HDGFL3: variants seen among roughly 807,000 people sequenced by gnomAD.
HDGFL3 encodes hepatoma-derived growth factor-related protein 3.
In HDGFL3, 6 loss-of-function variants were observed where a neutral mutation model predicts 27.6. The ratio of observed to expected loss-of-function variants is 0.22; its 90% CI spans 0.12 to 0.43. The LOEUF (loss-of-function observed/expected upper bound fraction) is 0.43. Ranked by LOEUF, HDGFL3 falls within the 20% of genes least tolerant of loss-of-function variation. HDGFL3 has a pLI of 1.00. For synonymous variants in HDGFL3, 88 were observed against 88.9 expected (o/e 0.99, Z 0.05); for missense variants, 207 against 250.1 (o/e 0.83, Z 1.16).
chr15:83,144,404 A>C, intron 5 of HDGFL3: 1 of 456,084 alleles, frequency 2.2e-6, no homozygotes. Context: ...ACTTGCTTGT[A>C]ATAAACAGAA....
At position 83,172,146 on chromosome 15, in the gene HDGFL3, G is replaced by A. The variant is rs148852737; in HGVS notation, c.85-8071C>T. 1.9e-3 allele frequency among the ~76,000 whole-genome samples: 294 copies of A among 152,250 alleles called. 1 individual carries two copies. The highest frequency in any genetic ancestry group is 6.8e-3 in the Middle Eastern group (2 of 294). On this transcript the variant is annotated intron_variant, in intron 1 of 5. Transcript: ENST00000299633. ...TATTAAGAGGTGGGACTTTTCAGAG[G>A]TGATTAGGCCTTGAGGGCTTCTCTG... is the stretch of plus-strand genomic sequence containing the variant.
intron 1 of HDGFL3, among the ~76,000 whole-genome samples, chr15:83,164,367 C>CAAA (rs869303457): frequency 6.8e-4 from 26 of 38,390 alleles, no homozygotes; most frequent in South Asian, 1.3e-3. Context: ...TTAGAGTAAC[C>CAAA]AAAAAAAAAA....
intron 5 of HDGFL3, among the ~76,000 whole-genome samples, chr15:83,147,868 C>G (rs1370775621): frequency 3.3e-5 from 5 of 152,106 alleles, no homozygotes; most frequent in African/African-American, 1.2e-4. Context: ...GAGAGGATAT[C>G]TGCAAGAAAT....
At chr15:83,176,206 C>T (rs2037307657) in intron 1 of HDGFL3, among the ~76,000 whole-genome samples, 1 of 152,188 alleles carries the variant, frequency 6.6e-6, no homozygotes, top group African/African-American at 2.4e-5. Context: ...TGTGACTGTA[C>T]TTGAGAAAGC....
intron 1 of HDGFL3, among the ~76,000 whole-genome samples, chr15:83,195,492 T>C (rs372118155): frequency 5.9e-5 from 9 of 152,242 alleles, no homozygotes; most frequent in African/African-American, 1.9e-4. Flanking sequence ...TATGTACATG[T>C]TTCTGTTCCT....
At chr15:83,146,814 C>T (rs2036901892) in intron 5 of HDGFL3, among the ~76,000 whole-genome samples, 1 of 152,180 alleles carries the variant, frequency 6.6e-6, no homozygotes, top group Non-Finnish European at 1.5e-5. Context: ...TTCATTCATT[C>T]TCTTATTCTT....
intron 1 of HDGFL3, among the ~76,000 whole-genome samples, chr15:83,166,117 C>T (rs2037168919): frequency 6.6e-6 from 1 of 151,990 alleles, no homozygotes; most frequent in Admixed American, 6.6e-5. Flanking sequence ...TGGTAAAATA[C>T]TATACAAAAT....
intron 1 of HDGFL3, among the ~76,000 whole-genome samples, chr15:83,206,083 A>G (rs1363693150): frequency 6.6e-6 from 1 of 152,216 alleles, no homozygotes; most frequent in Non-Finnish European, 1.5e-5. Flanking sequence ...AGGTCCCCCA[A>G]TTCCTGGCCT....
chr15:83,133,496 A>G lies in HDGFL3; in HGVS notation c.*5774T>C, dbSNP rs1567158951. ...TCCATTCTTAAAAAAAAATCAGAGT[A>G]TATCTCTTAATTATTTCTGTAAGGT... On this transcript the variant is annotated 3_prime_UTR_variant, in exon 6 of 6. Coordinates refer to ENST00000299633, the MANE Select transcript of HDGFL3 (RefSeq NM_016073.4). 6.6e-6 allele frequency: 1 copy of G among 152,244 alleles called. No individual in the cohort carries two copies. The allele number at this position is 152,244 out of a possible 1,614,324, so 9.4% of individuals were successfully genotyped here. A position where few individuals can be genotyped will look rare whatever the true frequency, so the allele number is the denominator to read the frequency against.
rs1182758993 is a variant in HDGFL3 at position 83,135,140 on chromosome 15, C to T, written c.*4130G>A. Reference sequence around the variant, plus strand: ...ATATCTCCAGAGTAGCAAAAATGTACCACAGGTCTCCAGAATATATCAGGA... The same window carrying T: ...ATATCTCCAGAGTAGCAAAAATGTATCACAGGTCTCCAGAATATATCAGGA... On this transcript the variant is annotated 3_prime_UTR_variant, in exon 6 of 6. Transcript: ENST00000299633. 1 of 151,636 alleles carries T rather than the reference C, an allele frequency of 6.6e-6. No individual in the cohort carries two copies. The highest frequency in any genetic ancestry group is 1.5e-5 in the Non-Finnish European group (1 of 67,838). The allele number at this position is 151,636 out of a possible 1,614,324, so 9.4% of individuals were successfully genotyped here. A position where few individuals can be genotyped will look rare whatever the true frequency, so the allele number is the denominator to read the frequency against.
chr15:83,151,100 G>T, intron 5 of HDGFL3, 115 bp downstream of exon 5: 1 of 975,344 alleles, frequency 1.0e-6, no homozygotes, highest in Non-Finnish European at 1.5e-6. Context: ...ATAATAGGCT[G>T]AGAATACTTC....
rs780207383 is a variant in HDGFL3, at chr15:83,122,657, T to A, written c.394-6916A>T. On this transcript the variant is annotated intron_variant, in intron 3 of 3. Coordinates refer to the HDGFL3 transcript ENST00000568294. ...CTCATTAAAAATATTGTCTGGCCCA[T>A]AGCAAAATTTTAGATGACCTGAGAT... 1.5e-5 allele frequency: 20 copies of A among 1,371,744 alleles called. No individual in the cohort carries two copies. The South Asian group carries it at 2.7e-4, about 18-fold the overall frequency. 85.0% of individuals were successfully genotyped at this position (1,371,744 alleles called of 1,614,324 possible).
intron 1 of HDGFL3, among the ~76,000 whole-genome samples, chr15:83,197,842 T>G (rs2037590280): frequency 6.6e-6 from 1 of 151,818 alleles, no homozygotes; most frequent in Non-Finnish European, 1.5e-5. Context: ...GAGACCAGCC[T>G]GCCCAACATG....
At chr15:83,206,158 T>C (rs2037712389) in intron 1 of HDGFL3, among the ~76,000 whole-genome samples, 1 of 152,256 alleles carries the variant, frequency 6.6e-6, no homozygotes, top group African/African-American at 2.4e-5. Flanking sequence ...GTCCATCCAT[T>C]ACTTCAACTT....
Position 83,138,113 on chromosome 15 carries a change from T to C in HDGFL3, c.*1157A>G, listed in dbSNP as rs1427976549. The C allele has an allele frequency of 6.6e-6, 1 of 152,608 alleles. No individual in the cohort carries two copies. Among genetic ancestry groups the C allele is most frequent in the Non-Finnish European group, 1.5e-5 (1 of 68,018 alleles). The allele number at this position is 152,608 out of a possible 1,614,324, so 9.5% of individuals were successfully genotyped here. On this transcript the variant is annotated 3_prime_UTR_variant, in exon 6 of 6. Coordinates refer to ENST00000299633, the MANE Select transcript of HDGFL3 (RefSeq NM_016073.4). ...ATATGAATTACATTAATACCTCACG[T>C]TACATATATGAAGCCAAATTACACT... is the stretch of plus-strand genomic sequence containing the variant.
rs548562599 is a variant in HDGFL3, at chr15:83,151,411, T to C, written c.460-50A>G. On this transcript the variant is annotated intron_variant, in intron 4 of 5. Coordinates refer to ENST00000299633, the MANE Select transcript of HDGFL3 (RefSeq NM_016073.4). ...TTATAGTCAAAAGCAGAAATCCAAATGTACAAGTAAGAGATGCAGAAATAG... is the reference window on the plus strand; with the variant it reads ...TTATAGTCAAAAGCAGAAATCCAAACGTACAAGTAAGAGATGCAGAAATAG... 5 of 1,508,608 alleles carry C rather than the reference T, an allele frequency of 3.3e-6. No homozygotes were observed. In the South Asian group the frequency reaches 4.9e-5, roughly 15 times the overall value. 93.5% of individuals were successfully genotyped at this position (1,508,608 alleles called of 1,614,324 possible). A position where few individuals can be genotyped will look rare whatever the true frequency, so the allele number is the denominator to read the frequency against.
chr15:83,156,676 G>A (rs2037033862), intron 4 of HDGFL3, among the ~76,000 whole-genome samples: 1 of 152,100 alleles, frequency 6.6e-6, no homozygotes, highest in Non-Finnish European at 1.5e-5. Flanking sequence ...TTTGTACAAT[G>A]ACAAAATTGC....
intron 1 of HDGFL3, among the ~76,000 whole-genome samples, chr15:83,174,143 G>A (rs2037280127): frequency 6.6e-6 from 1 of 152,128 alleles, no homozygotes. Context: ...GTTGGATTAG[G>A]TAACCTCTAG....
chr15:83,207,421 C>T lies in HDGFL3; in HGVS notation c.-7G>A. The T allele has an allele frequency of 7.5e-7, 1 of 1,326,566 alleles. No individual in the cohort carries two copies. The highest frequency in any genetic ancestry group is 9.7e-7 in the Non-Finnish European group (1 of 1,033,304). The allele number at this position is 1,326,566 out of a possible 1,614,324, so 82.2% of individuals were successfully genotyped here. On this transcript the variant is annotated 5_prime_UTR_variant, in exon 1 of 6. Coordinates refer to ENST00000299633, the MANE Select transcript of HDGFL3 (RefSeq NM_016073.4). This position sits in a 1 kb window ranked among gnomAD's most constrained non-coding sequence, Gnocchi z 4.8. The stretch of plus-strand genomic sequence containing the variant: ...GGGGCCGCGGACGCGCCATCCCAGC[C>T]GCTCCCCTTCCTGGTAGTCCTTGGT...
Sources: gnomAD v4.1 joint callset for allele counts (sites outside exome capture counted in the v4.1 genomes callset) on GRCh38, gnomAD v4.1.1 for gene constraint, Gnocchi (gnomAD v3.1) non-coding constraint, MANE v1.5 for transcripts, NCBI Gene and HGNC (gene_info 2026-07-23, HGNC 2026-07-21) for gene names.